ABL1: variants seen among roughly 807,000 people sequenced by gnomAD.
ABL1 encodes the protein tyrosine-protein kinase ABL1.
In ABL1, 11 loss-of-function variants were observed where a neutral mutation model predicts 94.7. The observed-to-expected ratio is 0.12, with a 90% CI of 0.07 to 0.19. ABL1 has a LOEUF of 0.19. ABL1 is among the 10% of genes least tolerant of loss of function. ABL1 has a pLI of 1.00. For synonymous variants in ABL1, 656 were observed against 622.4 expected, an observed-to-expected ratio of 1.05 and a Z score of -0.80; for missense variants, 1,082 against 1,489.4, an observed-to-expected ratio of 0.73 and a Z score of 4.50.
intron 1 of ABL1, among the ~76,000 whole-genome samples, chr9:130,790,709 A>G: frequency 1.3e-5 from 2 of 151,690 alleles, no homozygotes; most frequent in Non-Finnish European, 2.9e-5. Flanking sequence ...CATGGCCTCA[A>G]ACACTCTTTC....
At chr9:130,811,491 T>C (rs550718911) in intron 1 of ABL1, among the ~76,000 whole-genome samples, 31 of 152,308 alleles carry the variant, frequency 2.0e-4, no homozygotes, top group African/African-American at 7.2e-4. Context: ...GCACAAAGAC[T>C]GGGAGTGGGA....
chr9:130,884,781 C>T lies in ABL1; in HGVS notation c.2491C>T (p.Pro831Ser), dbSNP rs1831539450. 1 of 1,610,992 alleles carries T rather than the reference C, an allele frequency of 6.2e-7. No homozygotes were observed. Among genetic ancestry groups the T allele is most frequent in the Non-Finnish European group, 8.5e-7 (1 of 1,178,862 alleles). ...QVTVAPASGL[P>S]HKEEAGKGSA... ...CACCGTGGCCCCTGCCTCGGGCCTC[C>T]CCCACAAGGAAGAAGCTGGAAAGGG... Residue 831 changes from proline to serine, a missense_variant, in exon 11 of 11, where the codon CCC (proline) becomes TCC (serine). Pro to Ser is a moderately conservative substitution (Grantham distance 74). This residue lies in a region of ABL1 where 780 missense variants were observed against 835.8 expected (regional missense o/e 0.93). Transcript: ENST00000318560. The surrounding 1 kb of genome is among the most constrained non-coding windows in gnomAD (Gnocchi z 5.6).
At chr9:130,774,323 A>G (rs1008942635) in intron 1 of ABL1, among the ~76,000 whole-genome samples, 1 of 152,120 alleles carries the variant, frequency 6.6e-6, no homozygotes, top group Non-Finnish European at 1.5e-5. Flanking sequence ...CTTTGGGTAA[A>G]TAGGAGCAGG....
intron 1 of ABL1, among the ~76,000 whole-genome samples, chr9:130,809,354 A>G (rs889269782): frequency 6.6e-6 from 1 of 150,832 alleles, no homozygotes; most frequent in African/African-American, 2.4e-5. Flanking sequence ...TTGGAGTACT[A>G]AGAAGAGTTG....
At chr9:130,865,327 G>A (rs139496367) in intron 4 of ABL1, among the ~76,000 whole-genome samples, 1,934 of 152,232 alleles carry the variant, frequency 0.013, 50 homozygotes, top group African/African-American at 0.045. Flanking sequence ...CTGAAAATAC[G>A]GTACTAAGCA....
chr9:130,871,663 A>C (rs1279612895), intron 4 of ABL1, among the ~76,000 whole-genome samples: 1 of 152,236 alleles, frequency 6.6e-6, no homozygotes, highest in East Asian at 1.9e-4. Flanking sequence ...CTTTCTTGTC[A>C]TGAGGGTCTC....
intron 1 of ABL1, among the ~76,000 whole-genome samples, chr9:130,836,062 C>G (rs1830577368): frequency 6.6e-6 from 1 of 152,250 alleles, no homozygotes; most frequent in Non-Finnish European, 1.5e-5. Context: ...ACCACTCTAC[C>G]ATTTATGGAT....
chr9:130,755,904 C>G (rs901163714), intron 1 of ABL1, among the ~76,000 whole-genome samples: 4 of 152,168 alleles, frequency 2.6e-5, no homozygotes, highest in African/African-American at 7.2e-5. Flanking sequence ...AGCTCAGGGC[C>G]TGTCCTTCAA....
chr9:130,812,504 A>G (rs1830223129), intron 1 of ABL1, among the ~76,000 whole-genome samples: 1 of 152,212 alleles, frequency 6.6e-6, no homozygotes, highest in African/African-American at 2.4e-5. Flanking sequence ...GTGGAAAAAG[A>G]TGTTAATATG....
intron 10 of ABL1, among the ~76,000 whole-genome samples, chr9:130,882,567 A>C (rs190368775): frequency 2.2e-3 from 331 of 151,554 alleles, no homozygotes; most frequent in Non-Finnish European, 3.4e-3. Flanking sequence ...ATGGAGTCTC[A>C]CTCTGTTGCC....
intron 1 of ABL1, among the ~76,000 whole-genome samples, chr9:130,808,475 C>T (rs1162049461): frequency 6.6e-6 from 1 of 152,046 alleles, no homozygotes; most frequent in Non-Finnish European, 1.5e-5. Flanking sequence ...AACTCCTGAC[C>T]TCAGGTGATT....
In ABL1 at chr9:130,798,350, T is replaced by C. The variant is rs564051292; in HGVS notation, c.137-55714T>C. Among the ~76,000 whole-genome samples the C allele has an allele frequency of 2.2e-4, 34 of 152,304 alleles. No individual in the cohort carries two copies. The East Asian group carries it at 5.2e-3, about 23-fold the overall frequency. On this transcript the variant is annotated intron_variant, in intron 1 of 10. Transcript: ENST00000372348. ...CATTAACAAAAGGCAGAGAAAGACATTGGACCATACTAATTGTGGGACTTA... is the reference window on the plus strand; with the variant it reads ...CATTAACAAAAGGCAGAGAAAGACACTGGACCATACTAATTGTGGGACTTA...
At position 130,853,997 on chromosome 9, in the gene ABL1, A is replaced by G. The variant is rs548618222; in HGVS notation, c.80-67A>G. ...CACAAATATTTTTGCTTCTGAGAATAAAACTAATTTTTTCTCCCAATTTTC... is the reference window on the plus strand; with the variant it reads ...CACAAATATTTTTGCTTCTGAGAATGAAACTAATTTTTTCTCCCAATTTTC... On this transcript the variant is annotated intron_variant, in intron 1 of 10. Coordinates refer to ENST00000318560, the MANE Select transcript of ABL1 (RefSeq NM_005157.6). The G allele has an allele frequency of 1.5e-4, 232 of 1,515,918 alleles. 1 individual carries two copies. The highest frequency in any genetic ancestry group is 2.0e-4 in the Non-Finnish European group (221 of 1,128,342). 93.9% of individuals were successfully genotyped at this position (1,515,918 alleles called of 1,614,324 possible).
At chr9:130,753,292 C>T (rs930905062) in intron 1 of ABL1, among the ~76,000 whole-genome samples, 1 of 152,126 alleles carries the variant, frequency 6.6e-6, no homozygotes. Context: ...CCTACTTGTG[C>T]TGCAGAGGTG....
chr9:130,809,411 A>T (rs1033799809), intron 1 of ABL1, among the ~76,000 whole-genome samples: 10 of 116,874 alleles, frequency 8.6e-5, no homozygotes, highest in Admixed American at 8.1e-4. Context: ...AGAGAGAGAG[A>T]GAGAGAGTGT....
chr9:130,768,832 A>G (rs548369475), intron 1 of ABL1, among the ~76,000 whole-genome samples: 1 of 152,346 alleles, frequency 6.6e-6, no homozygotes, highest in East Asian at 1.9e-4. Flanking sequence ...GAACAGCTAC[A>G]TAATTGTGGC....
At chr9:130,797,415 C>T (rs548588527) in intron 1 of ABL1, among the ~76,000 whole-genome samples, 20 of 152,198 alleles carry the variant, frequency 1.3e-4, no homozygotes, top group African/African-American at 1.7e-4. Flanking sequence ...CGCTCTATTG[C>T]CCAGGCTAGA....
chr9:130,735,959 A>ATT (rs1168330887), intron 1 of ABL1, among the ~76,000 whole-genome samples: 1,543 of 81,594 alleles, frequency 0.019, 25 homozygotes, highest in East Asian at 0.062. Context: ...ATATATATAT[A>ATT]TATTTTTTTT....
chr9:130,879,997 C>T (rs933201884), intron 8 of ABL1, 71 bp from the exon 9 acceptor site: 7 of 1,429,520 alleles, frequency 4.9e-6, no homozygotes, highest in Middle Eastern at 1.8e-4. Context: ...TAGACTTTTC[C>T]TTGAGAACTG....
Sources: gnomAD v4.1 joint callset for allele counts (sites outside exome capture counted in the v4.1 genomes callset) on GRCh38, gnomAD v4.1.1 for gene constraint, gnomAD v4.1.1 regional missense constraint, Gnocchi (gnomAD v3.1) non-coding constraint, MANE v1.5 for transcripts, NCBI Gene and HGNC (gene_info 2026-07-23, HGNC 2026-07-21) for gene names.